SLC44A5: variants seen among roughly 807,000 people sequenced by gnomAD.
The protein encoded by SLC44A5 is choline transporter-like protein 5.
In SLC44A5, 57 loss-of-function variants were observed where a neutral mutation model predicts 101.8. That is an observed-to-expected ratio of 0.56 (90% CI 0.45 to 0.70). The LOEUF is 0.70. Among genes scored for constraint, SLC44A5 ranks in the 30% least tolerant of loss-of-function variants. The pLI is 0.00. For missense variants in SLC44A5, 737 were observed against 853.1 expected, an observed-to-expected ratio of 0.86 and a Z score of 1.70; for synonymous variants, 281 against 290.9, an observed-to-expected ratio of 0.97 and a Z score of 0.35.
At chr1:75,241,954 C>T (rs756456967) in intron 9 of SLC44A5, 47 bp downstream of exon 9, 4 of 1,493,032 alleles carry the variant, frequency 2.7e-6, no homozygotes, top group Admixed American at 1.7e-5. Flanking sequence ...AATTAAGTAG[C>T]ATTTTGGTAG....
intron 3 of SLC44A5, among the ~76,000 whole-genome samples, chr1:75,371,734 G>A (rs951785572): frequency 6.6e-6 from 1 of 152,242 alleles, no homozygotes; most frequent in Non-Finnish European, 1.5e-5. Flanking sequence ...AAGCTAAAAT[G>A]AAGGCCCACC....
intron 3 of SLC44A5, among the ~76,000 whole-genome samples, chr1:75,369,888 T>C (rs1386864257): frequency 6.6e-6 from 1 of 152,222 alleles, no homozygotes; most frequent in Non-Finnish European, 1.5e-5. Context: ...GTTTTCCCAT[T>C]GCTTGGCCTT....
At chr1:75,469,945 C>T (rs946713048) in intron 2 of SLC44A5, among the ~76,000 whole-genome samples, 2 of 146,334 alleles carry the variant, frequency 1.4e-5, no homozygotes, top group Admixed American at 6.9e-5. Flanking sequence ...CGTATCCTGA[C>T]TCCCATAATA....
chr1:75,523,718 G>A (rs1197553990), intron 2 of SLC44A5, among the ~76,000 whole-genome samples: 1 of 152,192 alleles, frequency 6.6e-6, no homozygotes, highest in African/African-American at 2.4e-5. Context: ...TCCTAAACCA[G>A]TGGTTCACGC....
chr1:75,292,123 G>A (rs565087157), intron 5 of SLC44A5, among the ~76,000 whole-genome samples: 3 of 151,816 alleles, frequency 2.0e-5, no homozygotes, highest in African/African-American at 7.2e-5. Context: ...ATTTTTTTTA[G>A]TTGTTAGTGT....
At chr1:75,242,796 G>C (rs1380755713) in intron 8 of SLC44A5, 90 bp downstream of exon 8, 2 of 1,397,212 alleles carry the variant, frequency 1.4e-6, no homozygotes, top group African/African-American at 1.5e-5. Flanking sequence ...GAAGATTTGG[G>C]AGCTTGTTCA....
At chr1:75,694,544 G>C in the SLC44A5 span, among the ~76,000 whole-genome samples, 1 of 151,972 alleles carries the variant, frequency 6.6e-6, no homozygotes, top group South Asian at 2.1e-4. Context: ...AGAATACTGT[G>C]TTTTTTCACT....
chr1:75,512,103 C>T (rs758650284), intron 2 of SLC44A5, among the ~76,000 whole-genome samples: 55 of 152,240 alleles, frequency 3.6e-4, no homozygotes, highest in Non-Finnish European at 6.8e-4. Flanking sequence ...TAAATAAGCA[C>T]AGCCCACGTA....
intron 2 of SLC44A5, among the ~76,000 whole-genome samples, chr1:75,476,744 C>T (rs1667433239): frequency 6.6e-6 from 1 of 152,268 alleles, no homozygotes; most frequent in African/African-American, 2.4e-5. Flanking sequence ...GACAAAGCAG[C>T]AGGGAAGCTC....
chr1:75,483,281 T>C (rs1336762823), intron 2 of SLC44A5, among the ~76,000 whole-genome samples: 2 of 152,206 alleles, frequency 1.3e-5, no homozygotes, highest in Non-Finnish European at 2.9e-5. Flanking sequence ...CAAAGCTTTG[T>C]TTTAAAAATC....
intron 2 of SLC44A5, among the ~76,000 whole-genome samples, chr1:75,470,735 T>C (rs997153464): frequency 6.8e-6 from 1 of 147,344 alleles, no homozygotes; most frequent in African/African-American, 2.5e-5. Flanking sequence ...TGACCTGGCA[T>C]GGCATGTCGA....
At chr1:75,385,409 A>G (rs1475589538) in intron 3 of SLC44A5, among the ~76,000 whole-genome samples, 1 of 152,094 alleles carries the variant, frequency 6.6e-6, no homozygotes. Context: ...ACAAACTACC[A>G]TCAGAGAATA....
chr1:75,304,984 TTG>T (rs1654792372), intron 4 of SLC44A5, among the ~76,000 whole-genome samples: 1 of 152,234 alleles, frequency 6.6e-6, no homozygotes, highest in South Asian at 2.1e-4. Context: ...TTTACTCAGA[TTG>T]TGTTTCTCTG....
rs546494483 is a variant in SLC44A5 at position 75,564,870 on chromosome 1, C to T, written c.-69-23354G>A. ...ATCTCCTGACCTCATGATCCACCCA[C>T]CTCGGCCTCCCAAAATGCTGGGATT... is the stretch of plus-strand genomic sequence containing the variant. On this transcript the variant is annotated intron_variant, in intron 1 of 23. Coordinates refer to ENST00000370859, the MANE Select transcript of SLC44A5 (RefSeq NM_001130058.2). Among the ~76,000 whole-genome samples, 17 of 152,306 alleles carry T rather than the reference C, an allele frequency of 1.1e-4. No individual in the cohort carries two copies. In the East Asian group the frequency reaches 3.1e-3, roughly 28 times the overall value.
chr1:75,552,361 T>G (rs1054511920), intron 1 of SLC44A5, among the ~76,000 whole-genome samples: 1 of 152,096 alleles, frequency 6.6e-6, no homozygotes, highest in Non-Finnish European at 1.5e-5. Context: ...CTATATTTGG[T>G]TCACAAATCT....
intron 23 of SLC44A5, among the ~76,000 whole-genome samples, chr1:75,207,432 A>G (rs1646770082): frequency 6.6e-6 from 1 of 152,158 alleles, no homozygotes; most frequent in Non-Finnish European, 1.5e-5. Context: ...ATGTTCACTG[A>G]CCACCCACCT....
the SLC44A5 span, among the ~76,000 whole-genome samples, chr1:75,642,725 T>G: frequency 6.6e-6 from 1 of 152,030 alleles, no homozygotes; most frequent in Admixed American, 6.6e-5. Flanking sequence ...GAGCTTACTA[T>G]AAATTAAATT....
rs180975525 is a variant in SLC44A5 at position 75,372,135 on chromosome 1, T to C, written c.52+24448A>G. Among the ~76,000 whole-genome samples, 3 of 143,310 alleles carry C rather than the reference T, an allele frequency of 2.1e-5. No individual in the cohort carries two copies. The Admixed American group carries it at 2.2e-4, about 11-fold the overall frequency. The allele number at this position is 143,310 out of a possible 152,430, so 94.0% of individuals were successfully genotyped here. On this transcript the variant is annotated intron_variant, in intron 3 of 23. Coordinates refer to ENST00000370859, the MANE Select transcript of SLC44A5 (RefSeq NM_001130058.2). ...TTGCTTGAACCTGGGAGGCAGAAGC[T>C]GCAGTGAGCCAAGATCATGCCACAG...
At chr1:75,291,604 G>C (rs528538419) in intron 5 of SLC44A5, among the ~76,000 whole-genome samples, 31 of 152,210 alleles carry the variant, frequency 2.0e-4, no homozygotes, top group African/African-American at 7.5e-4. Context: ...CCTCAAAAAC[G>C]AATAGAGGCC....
Sources: allele counts gnomAD v4.1 joint callset (sites outside exome capture counted in the v4.1 genomes callset), GRCh38; gene constraint gnomAD v4.1.1; transcripts MANE v1.5; gene names NCBI Gene and HGNC (gene_info 2026-07-23, HGNC 2026-07-21).